Variants in SMIM22 observed in about 807,000 individuals in gnomAD.
SMIM22 encodes small integral membrane protein 22, also known as cancer associated small integral membrane open reading frame 1.
SMIM22 carries 16 observed loss-of-function variants against 8.4 expected under a neutral mutation model. The ratio of observed to expected loss-of-function variants is 1.90; its 90% CI spans 1.29 to 2.89. The LOEUF is 2.89. SMIM22 is among the 30% of genes most tolerant of loss of function. SMIM22 has a pLI of 0.00. For missense variants in SMIM22, 159 were observed against 107.5 expected (o/e 1.48, Z -2.12); for synonymous variants, 67 against 47.6 (o/e 1.41, Z -1.68).
chr16:4,794,177 G>A (rs188535422), upstream of SMIM22, among the ~76,000 whole-genome samples: 475 of 152,136 alleles, frequency 3.1e-3, 2 homozygotes, highest in African/African-American at 0.01. Flanking sequence ...GCGAGATCTC[G>A]GCTCACTGCA....
chr16:4,789,163 G>A, intron 2 of SMIM22, among the ~76,000 whole-genome samples: 1 of 151,648 alleles, frequency 6.6e-6, no homozygotes, highest in Non-Finnish European at 1.5e-5. Context: ...GATTACCGGT[G>A]TGCACCACCA....
chr16:4,795,368 C>T, upstream of SMIM22: 1 of 247,912 alleles, frequency 4.0e-6, no homozygotes, highest in Non-Finnish European at 7.9e-6. Context: ...GCCAAGGCCT[C>T]AGGTGGTGTG....
chr16:4,793,323 ATAGGGCAAT>A (rs2082581621), upstream of SMIM22, among the ~76,000 whole-genome samples: 1 of 152,156 alleles, frequency 6.6e-6, no homozygotes, highest in Non-Finnish European at 1.5e-5. Context: ...CTTCAGAACC[ATAGGGCAAT>A]ACATTTGTGT....
chr16:4,792,570 G>T (rs1290089304), upstream of SMIM22, among the ~76,000 whole-genome samples: 2 of 150,956 alleles, frequency 1.3e-5, no homozygotes, highest in African/African-American at 4.8e-5. Flanking sequence ...GGGAGGCTGA[G>T]GGGGGCGGAT....
chr16:4,795,294 G>C (rs1229548018), upstream of SMIM22: 1 of 169,980 alleles, frequency 5.9e-6, no homozygotes, highest in East Asian at 1.8e-4. Context: ...CGCACCTGCT[G>C]GGCCTGGGCC....
upstream of SMIM22, chr16:4,795,210 A>T (rs989009274): frequency 1.3e-5 from 2 of 154,604 alleles, no homozygotes; most frequent in African/African-American, 4.8e-5. Flanking sequence ...AGGAAAGGTA[A>T]GAAGTCTCAG....
intron 2 of SMIM22, among the ~76,000 whole-genome samples, chr16:4,789,251 A>T (rs1300804491): frequency 6.6e-6 from 1 of 152,000 alleles, no homozygotes; most frequent in African/African-American, 2.4e-5. Flanking sequence ...ACCTCAAGTG[A>T]TCCACCAACC....
chr16:4,796,174 T>C lies in SMIM22; in HGVS notation c.226-16T>C. 6.5e-7 allele frequency: 1 copy of C among 1,535,998 alleles called. No homozygotes were observed. Among genetic ancestry groups the C allele is most frequent in the Non-Finnish European group, 8.7e-7 (1 of 1,146,872 alleles). On this transcript the variant is annotated splice_polypyrimidine_tract_variant and intron_variant, in intron 3 of 3. Transcript: ENST00000586005. Reference sequence around the variant, plus strand: ...AACGAGCGAACCTGCTTGGTCCCGCTGTGCTTCTCGTGCAGGAAAGACCCA... The same window carrying C: ...AACGAGCGAACCTGCTTGGTCCCGCCGTGCTTCTCGTGCAGGAAAGACCCA...
Position 4,795,756 on chromosome 16 carries a change from C to G in SMIM22, c.22C>G (p.Leu8Val). The change falls in exon 2 of 4, where the codon CTG becomes GTG. Residue 8 changes from leucine (L) to valine (V), a missense_variant. Leu to Val is a conservative substitution (Grantham distance 32). Coordinates refer to ENST00000586005, the MANE Select transcript of SMIM22 (RefSeq NM_001253794.2). ...CAAGATGGCTGTGTCCACAGAGGAG[C>G]TGGAGGCCACGGTTCAGGAAGTCCT... The part of the protein sequence containing the change: MAVSTEE[L>V]EATVQEVLGR... The G allele has an allele frequency of 6.5e-7, 1 of 1,535,926 alleles. No individual in the cohort carries two copies. The highest frequency in any genetic ancestry group is 8.7e-7 in the Non-Finnish European group (1 of 1,146,804).
chr16:4,793,152 C>T (rs2141895240), upstream of SMIM22, among the ~76,000 whole-genome samples: 1 of 147,954 alleles, frequency 6.8e-6, no homozygotes, highest in African/African-American at 2.5e-5. Context: ...GGATTAGAGT[C>T]AGAGGAGGAG....
intron 2 of SMIM22, among the ~76,000 whole-genome samples, chr16:4,790,302 G>A (rs959999116): frequency 1.1e-4 from 16 of 152,100 alleles, no homozygotes; most frequent in African/African-American, 2.9e-4. Flanking sequence ...TGAGAAAGTC[G>A]CCACAGACAA....
At chr16:4,792,315 C>G (rs571933668), upstream of SMIM22, among the ~76,000 whole-genome samples, 5 of 151,784 alleles carry the variant, frequency 3.3e-5, no homozygotes, top group South Asian at 1.0e-3. Context: ...CTCAGCCTCC[C>G]GAGTAGCTGG....
intron 2 of SMIM22, among the ~76,000 whole-genome samples, chr16:4,789,418 C>T (rs929729279): frequency 1.3e-4 from 20 of 151,890 alleles, no homozygotes; most frequent in African/African-American, 4.3e-4. Context: ...CTCTGCCTCC[C>T]GGGTTCACGC....
rs1458080628 is a variant in SMIM22, at chr16:4,796,227, C to G, written c.263C>G (p.Pro88Arg). Reference sequence around the variant, plus strand: ...GGAGTGGATAACTTGGCCCTGGAACCCTGACCCTGTGTCTCCTGCCCGGTG... The same window carrying G: ...GGAGTGGATAACTTGGCCCTGGAACGCTGACCCTGTGTCTCCTGCCCGGTG... Reference protein sequence around the residue: ...PKGVDNLALEP With the variant: ...PKGVDNLALER The change falls in exon 4 of 4, where the codon CCC becomes CGC. Residue 88 changes from proline (P) to arginine (R), a missense_variant. Coordinates refer to ENST00000586005, the MANE Select transcript of SMIM22 (RefSeq NM_001253794.2). The G allele has an allele frequency of 6.5e-7, 1 of 1,535,816 alleles. No individual in the cohort carries two copies. The highest frequency in any genetic ancestry group is 8.7e-7 in the Non-Finnish European group (1 of 1,146,804).
In SMIM22 at chr16:4,796,424, G is replaced by A. The variant is rs150874528; in HGVS notation, c.*193G>A. ...ATCCTCAGTCACCTAGCTGGGAGGG[G>A]AGCTGGTCTCAGGCCGGGCGCGGTG... is the stretch of plus-strand genomic sequence containing the variant. On this transcript the variant is annotated 3_prime_UTR_variant, in exon 4 of 4. Transcript: ENST00000586005. 1.5e-6 allele frequency: 1 copy of A among 677,248 alleles called. No homozygotes were observed. Among genetic ancestry groups the A allele is most frequent in the Non-Finnish European group, 2.5e-6 (1 of 407,438 alleles). 42.0% of individuals were successfully genotyped at this position (677,248 alleles called of 1,614,324 possible).
chr16:4,790,764 G>A (rs923918324), upstream of SMIM22, among the ~76,000 whole-genome samples: 1 of 152,158 alleles, frequency 6.6e-6, no homozygotes, highest in Non-Finnish European at 1.5e-5. Flanking sequence ...ACTCCAGCCT[G>A]GGCGACAGAG....
chr16:4,789,332 C>CA (rs1312612672), intron 2 of SMIM22, among the ~76,000 whole-genome samples: 1 of 142,890 alleles, frequency 7.0e-6, no homozygotes, highest in African/African-American at 2.6e-5. Flanking sequence ...TCCTTTTTTT[C>CA]TTTTTTTTTT....
Position 4,795,973 on chromosome 16 carries a change from G to A in SMIM22, c.150G>A (p.Leu50=), listed in dbSNP as rs997624611. The A allele has an allele frequency of 2.2e-5, 33 of 1,505,290 alleles. No individual in the cohort carries two copies. The highest frequency in any genetic ancestry group is 2.9e-5 in the Non-Finnish European group (33 of 1,130,972). The allele number at this position is 1,505,290 out of a possible 1,614,324, so 93.2% of individuals were successfully genotyped here. ...GCACCGTGCTGCTCCTGCTGCTGCT[G>A]GTCGTCGCCCACTGCTGCTGCTGCA... ...FMGTVLLLLL[L]VVAHCCCCSS... The change falls in exon 3 of 4, where the codon CTG becomes CTA. Residue 50 remains leucine, a synonymous_variant. Transcript: ENST00000586005.
chr16:4,793,778 G>A (rs1393139808), upstream of SMIM22, among the ~76,000 whole-genome samples: 2 of 152,002 alleles, frequency 1.3e-5, no homozygotes, highest in Non-Finnish European at 2.9e-5. Flanking sequence ...ATAAATATAT[G>A]TATACAATTT....
Sources: gnomAD v4.1 joint callset for allele counts (sites outside exome capture counted in the v4.1 genomes callset) on GRCh38, gnomAD v4.1.1 for gene constraint, MANE v1.5 for transcripts, NCBI Gene and HGNC (gene_info 2026-07-23, HGNC 2026-07-21) for gene names.